PSME4: variants seen among roughly 807,000 people sequenced by gnomAD.
PSME4 encodes proteasome activator subunit 4, also known as proteasome activator complex subunit 4.
Under a neutral mutation model 253.9 loss-of-function variants are expected in PSME4, and 89 were observed. That is an observed-to-expected ratio of 0.35 (90% confidence interval 0.30 to 0.42). PSME4 has a LOEUF of 0.42. PSME4 is among the 10% of genes least tolerant of loss of function. PSME4 has a pLI of 1.00. For missense variants in PSME4, 2,014 were observed against 2,195.2 expected, an observed-to-expected ratio of 0.92 and a Z score of 1.65; for synonymous variants, 851 against 759.2, an observed-to-expected ratio of 1.12 and a Z score of -1.99.
At chr2:53,951,143 C>T (rs1412388816) in intron 1 of PSME4, among the ~76,000 whole-genome samples, 2 of 152,096 alleles carry the variant, frequency 1.3e-5, no homozygotes, top group Non-Finnish European at 2.9e-5. Flanking sequence ...AGTGCAGTGG[C>T]CTGATCTCAG....
At chr2:53,897,438 G>C (rs922112950) in intron 31 of PSME4, among the ~76,000 whole-genome samples, 53 of 152,022 alleles carry the variant, frequency 3.5e-4, no homozygotes, top group African/African-American at 1.3e-3. Context: ...CAAAGTGCTG[G>C]GATTACAGGC....
chr2:53,959,955 T>G (rs1358828125), intron 1 of PSME4, among the ~76,000 whole-genome samples: 1 of 152,290 alleles, frequency 6.6e-6, no homozygotes, highest in African/African-American at 2.4e-5. Flanking sequence ...AATAAAGCAT[T>G]AACAGATTTT....
chr2:53,968,755 C>T (rs1300034217), intron 1 of PSME4, among the ~76,000 whole-genome samples: 1 of 152,238 alleles, frequency 6.6e-6, no homozygotes, highest in Non-Finnish European at 1.5e-5. Context: ...CAGCCCTAAA[C>T]ACCAAACATT....
chr2:53,907,620 C>T (rs1273289862), intron 24 of PSME4, among the ~76,000 whole-genome samples: 1 of 152,164 alleles, frequency 6.6e-6, no homozygotes. Context: ...ATCAGATCTA[C>T]TTAAGAACTG....
chr2:53,947,390 T>G (rs764146091), intron 3 of PSME4, among the ~76,000 whole-genome samples: 5 of 152,194 alleles, frequency 3.3e-5, no homozygotes, highest in East Asian at 1.9e-4. Flanking sequence ...AATACAGGCA[T>G]AGAGAATGGT....
In PSME4 at chr2:53,948,519, T is replaced by C. The variant is rs747371898; in HGVS notation, c.402A>G (p.Ser134=). ...INLLKKKELL[S]RADLELPWRP... ...TCCAGGGTAACTCCAAATCAGCTCT[T>C]GAAAGAAGTTCCTTTTTCCTAAAAA... is the stretch of plus-strand genomic sequence containing the variant. Residue 134 remains serine, a synonymous_variant, in exon 3 of 47, where the codon TCA becomes TCG. Coordinates refer to ENST00000404125, the MANE Select transcript of PSME4 (RefSeq NM_014614.3). 2 of 1,610,862 alleles carry C rather than the reference T, an allele frequency of 1.2e-6. No homozygotes were observed. Among genetic ancestry groups the C allele is most frequent in the Admixed American group, 1.7e-5 (1 of 59,986 alleles).
In PSME4 at chr2:53,970,910, C is replaced by T; in HGVS notation, c.-126G>A. The T allele has an allele frequency of 3.9e-6, 3 of 760,482 alleles. No homozygotes were observed. In the South Asian group the frequency reaches 6.8e-5, roughly 17 times the overall value. The allele number at this position is 760,482 out of a possible 1,614,324, so 47.1% of individuals were successfully genotyped here. A position where few individuals can be genotyped will look rare whatever the true frequency, so the allele number is the denominator to read the frequency against. On this transcript the variant is annotated 5_prime_UTR_variant, in exon 1 of 47. Coordinates refer to ENST00000404125, the MANE Select transcript of PSME4 (RefSeq NM_014614.3). ...CGCTGGCGGCCCGTCGCCCTCGGACCGATCGCTAGGCCCCCTTCCCTGGCC... is the reference window on the plus strand; with the variant it reads ...CGCTGGCGGCCCGTCGCCCTCGGACTGATCGCTAGGCCCCCTTCCCTGGCC...
At chr2:53,902,414 G>A (rs990459466) in intron 27 of PSME4, among the ~76,000 whole-genome samples, 1 of 152,140 alleles carries the variant, frequency 6.6e-6, no homozygotes, top group Non-Finnish European at 1.5e-5. Flanking sequence ...TTCATAAAAA[G>A]TTTTTACTAT....
At chr2:53,937,149 C>T (rs552228854) in intron 5 of PSME4, among the ~76,000 whole-genome samples, 11 of 152,194 alleles carry the variant, frequency 7.2e-5, no homozygotes, top group Admixed American at 7.2e-4. Context: ...CCTGTTATTA[C>T]CCCTTCTGAC....
rs778255853 is a variant in PSME4 at position 53,865,315 on chromosome 2, T to A, written c.*263A>T. On this transcript the variant is annotated 3_prime_UTR_variant, in exon 47 of 47. Coordinates refer to ENST00000404125, the MANE Select transcript of PSME4 (RefSeq NM_014614.3). The stretch of plus-strand genomic sequence containing the variant: ...CATGATCATACTGGGTAATTATTTC[T>A]AGTCTGAGACTTTGTGACTTTGTCA... 6.6e-6 allele frequency: 1 copy of A among 152,442 alleles called. No individual in the cohort carries two copies. The highest frequency in any genetic ancestry group is 1.5e-5 in the Non-Finnish European group (1 of 68,020). The allele number at this position is 152,442 out of a possible 1,614,324, so 9.4% of individuals were successfully genotyped here.
At chr2:53,893,570 A>G (rs1680009722) in intron 35 of PSME4, 104 bp downstream of exon 35, 8 of 1,547,894 alleles carry the variant, frequency 5.2e-6, no homozygotes, top group Non-Finnish European at 6.9e-6. Flanking sequence ...GCCATTTTAG[A>G]TCAAGGCAGA....
Position 53,879,671 on chromosome 2 carries a change from C to T in PSME4, c.4816-3916G>A, listed in dbSNP as rs76124030. Among the ~76,000 whole-genome samples, 807 of 151,938 alleles carry T rather than the reference C, an allele frequency of 5.3e-3. 7 individuals are homozygous for T. Among genetic ancestry groups the T allele is most frequent in the African/African-American group, 0.019 (768 of 41,422 alleles). ...TCTCTTAGAAAATGTGCTGTGTCTA[C>T]CAAATAAGCCCAGAAACACTAATCA... On this transcript the variant is annotated intron_variant, in intron 41 of 46. Coordinates refer to ENST00000404125, the MANE Select transcript of PSME4 (RefSeq NM_014614.3).
rs61308177 is a variant in PSME4, at chr2:53,872,741, CAAAAAAAAAAA to C, written c.5100+1587_5100+1597del. Among the ~76,000 whole-genome samples, 38 of 48,010 alleles carry C rather than the reference CAAAAAAAAAAA, an allele frequency of 7.9e-4. 1 individual carries two copies. In the East Asian group the frequency reaches 0.011, roughly 13 times the overall value. 31.5% of individuals were successfully genotyped at this position (48,010 alleles called of 152,430 possible). A position where few individuals can be genotyped will look rare whatever the true frequency, so the allele number is the denominator to read the frequency against. On this transcript the variant is annotated intron_variant, in intron 43 of 46. Transcript: ENST00000404125. ...TGGACAACAAAGCAAGACTTGGTCT[CAAAAAAAAAAA>C]AAAAAAAAAAAAAAAAGAGAAACCA...
In PSME4 at chr2:53,921,081, C is replaced by A; in HGVS notation, c.2070G>T (p.Lys690Asn). The change falls in exon 18 of 47, where the codon AAG becomes AAT. Residue 690 changes from lysine (K) to asparagine (N), a missense_variant. Coordinates refer to ENST00000404125, the MANE Select transcript of PSME4 (RefSeq NM_014614.3). ...CAAGCTGCTCCCTATAAAGAAGCAA[C>A]TTCCTTCCATCCACTCGAGTAATCT... ...LSEITRVDGRKLLLYREQLVK... is the reference protein window; with the variant it reads ...LSEITRVDGRNLLLYREQLVK... 6.2e-7 allele frequency: 1 copy of A among 1,613,784 alleles called. No individual in the cohort carries two copies. Among genetic ancestry groups the A allele is most frequent in the Non-Finnish European group, 8.5e-7 (1 of 1,179,958 alleles).
intron 20 of PSME4, among the ~76,000 whole-genome samples, chr2:53,914,839 C>T (rs1346421544): frequency 6.6e-6 from 1 of 152,110 alleles, no homozygotes; most frequent in African/African-American, 2.4e-5. Context: ...TGAGATTGTG[C>T]CACCGCACTC....
At chr2:53,903,395 G>C (rs805426) in intron 27 of PSME4, among the ~76,000 whole-genome samples, 1 of 151,758 alleles carries the variant, frequency 6.6e-6, no homozygotes, top group Non-Finnish European at 1.5e-5. Context: ...AGTCCCATCC[G>C]TTCTCACTCT....
intron 11 of PSME4, 123 bp downstream of exon 11, chr2:53,927,994 T>C: frequency 3.1e-6 from 2 of 654,866 alleles, no homozygotes; most frequent in Non-Finnish European, 4.9e-6. Flanking sequence ...ATAATTAAAT[T>C]ATACAACATT....
chr2:53,900,911 T>C (rs1353952622), intron 28 of PSME4, among the ~76,000 whole-genome samples: 1 of 152,198 alleles, frequency 6.6e-6, no homozygotes, highest in African/African-American at 2.4e-5. Context: ...ACTCTCAACC[T>C]AAGCACCACT....
chr2:53,874,022 G>T (rs1245096647), intron 43 of PSME4, among the ~76,000 whole-genome samples: 1 of 152,124 alleles, frequency 6.6e-6, no homozygotes, highest in Non-Finnish European at 1.5e-5. Context: ...GAATGCAGTG[G>T]TACAATCACA....
Sources: gnomAD v4.1 joint callset for allele counts (sites outside exome capture counted in the v4.1 genomes callset) on GRCh38, gnomAD v4.1.1 for gene constraint, MANE v1.5 for transcripts, NCBI Gene and HGNC (gene_info 2026-07-23, HGNC 2026-07-21) for gene names.